MEI1: variants seen among roughly 807,000 people sequenced by gnomAD.
The protein encoded by MEI1 is meiosis inhibitor protein 1.
A neutral mutation model predicts 146.2 loss-of-function variants in MEI1; 103 were observed. The observed-to-expected ratio is 0.70, with a 90% CI of 0.60 to 0.83. MEI1 has a LOEUF of 0.83. Ranked by LOEUF, MEI1 falls within the 40% of genes least tolerant of loss-of-function variation. The pLI is 0.00. For missense variants in MEI1, 1,529 were observed against 1,533.0 expected, an observed-to-expected ratio of 1.00 and a Z score of 0.04; for synonymous variants, 652 against 628.2, an observed-to-expected ratio of 1.04 and a Z score of -0.57.
chr22:41,699,710 T>G lies in MEI1; in HGVS notation c.172T>G (p.Ser58Ala). 1 of 1,567,874 alleles carries G rather than the reference T, an allele frequency of 6.4e-7. No individual in the cohort carries two copies. The highest frequency in any genetic ancestry group is 8.6e-7 in the Non-Finnish European group (1 of 1,157,912). The part of the protein sequence containing the change: ...ALELLPDPGV[S>A]LVRKKHMLSC... ...GGAGCTGCTGCCGGACCCCGGCGTG[T>G]CGGTGCGGGCGGAACCTTTTCTTCA... Residue 58 changes from serine to alanine, a missense_variant and splice_region_variant, in exon 1 of 31, where the codon TCG becomes GCG. Transcript: ENST00000401548.
In MEI1 at chr22:41,753,920, C is replaced by G. The variant is rs1007532204; in HGVS notation, c.1854-29C>G. 3 of 1,475,084 alleles carry G rather than the reference C, an allele frequency of 2.0e-6. No individual in the cohort carries two copies. In the South Asian group the frequency reaches 3.4e-5, roughly 17 times the overall value. 91.4% of individuals were successfully genotyped at this position (1,475,084 alleles called of 1,614,324 possible). On this transcript the variant is annotated intron_variant, in intron 16 of 30. Coordinates refer to ENST00000401548, the MANE Select transcript of MEI1 (RefSeq NM_152513.4). ...CCCAGCCAAAGTAGCAATGTCATCT[C>G]TTCTATTCTTTCTTCTTCTCCCTCT...
At chr22:41,798,159 ACACAC>A (rs2076432511) in intron 30 of MEI1, among the ~76,000 whole-genome samples, 4 of 99,404 alleles carry the variant, frequency 4.0e-5, no homozygotes, top group Admixed American at 1.3e-4. Flanking sequence ...ACACACACAC[ACACAC>A]ACACACATAG....
At position 41,770,778 on chromosome 22, in the gene MEI1, G is replaced by A. The variant is rs767186540; in HGVS notation, c.2361G>A (p.Leu787=). Residue 787 remains leucine (L), a synonymous_variant, in exon 20 of 31, where the codon CTG becomes CTA. Coordinates refer to ENST00000401548, the MANE Select transcript of MEI1 (RefSeq NM_152513.4). The part of the protein sequence containing the change: ...THHPLLLRFF[L]LYPELMSRYG... Reference sequence around the variant, plus strand: ...ATCCGCTCCTGCTCAGGTTCTTTCTGTTGTATCCAGAGCTCATGAGTAGGT... The same window carrying A: ...ATCCGCTCCTGCTCAGGTTCTTTCTATTGTATCCAGAGCTCATGAGTAGGT... The A allele has an allele frequency of 1.2e-6, 2 of 1,613,938 alleles. No homozygotes were observed. The highest frequency in any genetic ancestry group is 1.1e-5 in the South Asian group (1 of 91,082).
intron 15 of MEI1, among the ~76,000 whole-genome samples, chr22:41,748,898 G>T (rs2073534279): frequency 6.6e-6 from 1 of 151,944 alleles, no homozygotes; most frequent in Non-Finnish European, 1.5e-5. Context: ...TCGCCTCCCA[G>T]GTCATGCCAT....
intron 24 of MEI1, among the ~76,000 whole-genome samples, chr22:41,783,916 C>A (rs573568160): frequency 6.6e-6 from 1 of 152,276 alleles, no homozygotes; most frequent in East Asian, 1.9e-4. Context: ...CTCCTGGGCT[C>A]AACGAATCCT....
intron 3 of MEI1, among the ~76,000 whole-genome samples, chr22:41,708,769 A>G (rs1478371141): frequency 1.3e-5 from 2 of 152,232 alleles, no homozygotes; most frequent in African/African-American, 4.8e-5. Context: ...ATGCCATCTC[A>G]GTGGCATCAC....
intron 20 of MEI1, among the ~76,000 whole-genome samples, chr22:41,773,703 G>A (rs2075304086): frequency 6.6e-6 from 1 of 151,960 alleles, no homozygotes; most frequent in African/African-American, 2.4e-5. Flanking sequence ...GTGAAACCCT[G>A]TCTCTACTAA....
intron 24 of MEI1, among the ~76,000 whole-genome samples, chr22:41,782,264 G>A (rs538590199): frequency 6.6e-6 from 1 of 152,168 alleles, no homozygotes; most frequent in Non-Finnish European, 1.5e-5. Context: ...GTATATTTGG[G>A]GAGTGGTGAG....
intron 19 of MEI1, among the ~76,000 whole-genome samples, chr22:41,764,992 C>T (rs1394129700): frequency 6.6e-6 from 1 of 152,026 alleles, no homozygotes; most frequent in African/African-American, 2.4e-5. Flanking sequence ...GAAGCCTTTG[C>T]TTCAAAATGA....
At chr22:41,747,636 A>G (rs2073404089) in intron 14 of MEI1, among the ~76,000 whole-genome samples, 1 of 151,984 alleles carries the variant, frequency 6.6e-6, no homozygotes, top group Middle Eastern at 3.4e-3. Flanking sequence ...CCCGAGAGGC[A>G]GAGGTTTCAA....
Position 41,777,869 on chromosome 22 carries a change from CTTCG to C in MEI1, c.2711-835_2711-832del, listed in dbSNP as rs200960727. Among the ~76,000 whole-genome samples the C allele has an allele frequency of 1.0e-3, 151 of 150,250 alleles. 1 individual carries two copies. In the Middle Eastern group the frequency reaches 0.014, roughly 14 times the overall value. On this transcript the variant is annotated intron_variant, in intron 21 of 30. Coordinates refer to ENST00000401548, the MANE Select transcript of MEI1 (RefSeq NM_152513.4). Reference sequence around the variant, plus strand: ...CCTTCCCTGCTTCCTTCCTTCCTTCCTTCGTTCCTTCCTTCCATCCATCCTTCTT... The same window carrying C: ...CCTTCCCTGCTTCCTTCCTTCCTTCCTTCCTTCCTTCCATCCATCCTTCTT...
At chr22:41,737,096 C>T (rs1213111734) in intron 11 of MEI1, among the ~76,000 whole-genome samples, 1 of 152,158 alleles carries the variant, frequency 6.6e-6, no homozygotes, top group South Asian at 2.1e-4. Context: ...ACTAATTATT[C>T]CAACTCTGCC....
chr22:41,790,586 ACTT>A (rs1455546447), intron 26 of MEI1, among the ~76,000 whole-genome samples: 3 of 150,436 alleles, frequency 2.0e-5, no homozygotes, highest in Non-Finnish European at 3.0e-5. Context: ...CTTCCACTGA[ACTT>A]CTTTTTTTCT....
In MEI1 at chr22:41,718,102, A is replaced by G. The variant is rs748816860; in HGVS notation, c.561A>G (p.Leu187=). ...GNLMEHLLRG[L]VYPSEGIQAS... ...TGATGGAGCATCTGTTGAGAGGCTT[A>G]GTATACCCCAGTGAGGGCATACAAG... The change falls in exon 6 of 31, where the codon TTA becomes TTG. Residue 187 remains leucine, a synonymous_variant. Transcript: ENST00000401548. The G allele has an allele frequency of 1.9e-6, 3 of 1,612,556 alleles. No individual in the cohort carries two copies. The highest frequency in any genetic ancestry group is 1.3e-5 in the African/African-American group (1 of 74,872).
At position 41,716,073 on chromosome 22, in the gene MEI1, G is replaced by A; in HGVS notation, c.456G>A (p.Leu152=). The stretch of plus-strand genomic sequence containing the variant: ...ACATGCCCTCCATGCGAGGCAGCCT[G>A]GCCACCCTGACCCTTCTTGGCAAGT... The part of the protein sequence containing the change: ...LCNMPSMRGS[L]ATLTLLGKLV... Residue 152 remains leucine, a synonymous_variant, in exon 5 of 31, where the codon CTG becomes CTA. Coordinates refer to ENST00000401548, the MANE Select transcript of MEI1 (RefSeq NM_152513.4). 3 of 1,611,794 alleles carry A rather than the reference G, an allele frequency of 1.9e-6. No individual in the cohort carries two copies. In the South Asian group the frequency reaches 3.3e-5, roughly 18 times the overall value.
intron 6 of MEI1, among the ~76,000 whole-genome samples, chr22:41,718,540 A>G (rs1207901457): frequency 6.6e-6 from 1 of 152,124 alleles, no homozygotes; most frequent in African/African-American, 2.4e-5. Context: ...TGCATCCTGT[A>G]TTTGCTGGCA....
At position 41,795,127 on chromosome 22, in the gene MEI1, GTAGT is replaced by G. The variant is rs1459075653; in HGVS notation, c.3535-282_3535-279del. Among the ~76,000 whole-genome samples, 1 of 152,190 alleles carries G rather than the reference GTAGT, an allele frequency of 6.6e-6. No homozygotes were observed. Among genetic ancestry groups the G allele is most frequent in the Non-Finnish European group, 1.5e-5 (1 of 68,034 alleles). On this transcript the variant is annotated intron_variant, in intron 28 of 30. Transcript: ENST00000401548. The surrounding 1 kb of genome is among the most constrained non-coding windows in gnomAD (Gnocchi z 4.2). The stretch of plus-strand genomic sequence containing the variant: ...TGGTGGTATGTCAGGGGAGCCACAC[GTAGT>G]TCATTTTGGCCATGAGTGTTCAGTG...
At chr22:41,764,802 C>T (rs1045160395) in intron 19 of MEI1, among the ~76,000 whole-genome samples, 1 of 152,156 alleles carries the variant, frequency 6.6e-6, no homozygotes, top group African/African-American at 2.4e-5. Context: ...GATACCAATA[C>T]CTTAGAGCTC....
At chr22:41,781,161 A>T (rs1305445471) in intron 22 of MEI1, 123 bp from the exon 23 acceptor site, 1 of 679,426 alleles carries the variant, frequency 1.5e-6, no homozygotes, top group Non-Finnish European at 2.6e-6. Context: ...TTGTAATATC[A>T]GGGATACTTA....
Sources: gnomAD v4.1 joint callset for allele counts (sites outside exome capture counted in the v4.1 genomes callset) on GRCh38, gnomAD v4.1.1 for gene constraint, Gnocchi (gnomAD v3.1) non-coding constraint, MANE v1.5 for transcripts, NCBI Gene and HGNC (gene_info 2026-07-23, HGNC 2026-07-21) for gene names.